ROBO1: variants seen among roughly 807,000 people sequenced by gnomAD.
ROBO1 encodes the protein roundabout guidance receptor 1.
A neutral mutation model predicts 195.9 loss-of-function variants in ROBO1; 149 were observed. That is an observed-to-expected ratio of 0.76 (90% CI 0.67 to 0.87). The LOEUF is 0.87. Among genes scored for constraint, ROBO1 ranks in the 40% least tolerant of loss-of-function variants. The probability of loss-of-function intolerance (pLI) is 0.00; values close to 1 mark genes in which losing one functional copy is unlikely to be tolerated. For synonymous variants in ROBO1, 816 were observed against 733.2 expected, an observed-to-expected ratio of 1.11 and a Z score of -1.82; for missense variants, 1,933 against 2,068.3, an observed-to-expected ratio of 0.93 and a Z score of 1.27.
chr3:79,252,141 G>T (rs568043058), intron 2 of ROBO1, among the ~76,000 whole-genome samples: 1 of 152,024 alleles, frequency 6.6e-6, no homozygotes, highest in Non-Finnish European at 1.5e-5. Context: ...TGCTTAACAC[G>T]TATTTTATTA....
intron 1 of ROBO1, among the ~76,000 whole-genome samples, chr3:79,709,311 T>G (rs1196787093): frequency 2.0e-5 from 3 of 152,112 alleles, no homozygotes; most frequent in Non-Finnish European, 4.4e-5. Context: ...CAAATCTTTT[T>G]TAATAGTTTA....
In ROBO1 at chr3:79,070,019, T is replaced by C. The variant is rs1263885923; in HGVS notation, c.172+55437A>G. On this transcript the variant is annotated intron_variant, in intron 3 of 30. Coordinates refer to ENST00000464233, the MANE Select transcript of ROBO1 (RefSeq NM_002941.4). ...CCTCAACTGGTCTTGAAGTTATTCA[T>C]AAATTTTCTATTCATTTACTGGTTA... 2.0e-5 allele frequency among the ~76,000 whole-genome samples: 3 copies of C among 151,996 alleles called. No homozygotes were observed. In the East Asian group the frequency reaches 5.8e-4, roughly 30 times the overall value.
chr3:79,482,535 C>T (rs1458373908), intron 2 of ROBO1, among the ~76,000 whole-genome samples: 1 of 152,108 alleles, frequency 6.6e-6, no homozygotes, highest in African/African-American at 2.4e-5. Context: ...GTGAGGCCTC[C>T]CCAGACATGT....
At chr3:79,523,161 CCACACACACACA>C (rs139825740) in intron 2 of ROBO1, among the ~76,000 whole-genome samples, 17 of 146,366 alleles carry the variant, frequency 1.2e-4, no homozygotes, top group South Asian at 2.2e-4. Context: ...GCTTCATAAA[CCACACACACACA>C]CACACACACA....
chr3:78,793,838 C>T (rs1031895431), intron 4 of ROBO1, among the ~76,000 whole-genome samples: 2 of 151,724 alleles, frequency 1.3e-5, no homozygotes, highest in Non-Finnish European at 2.9e-5. Flanking sequence ...TTTTCCTAAA[C>T]ACAGGCAATT....
chr3:78,638,775 G>A (rs1022217943), intron 22 of ROBO1, among the ~76,000 whole-genome samples: 47 of 152,264 alleles, frequency 3.1e-4, no homozygotes, highest in African/African-American at 1.0e-3. Context: ...TTGGGAGGCT[G>A]AGGTGAGAGG....
At chr3:78,689,293 T>C (rs916807294) in intron 8 of ROBO1, among the ~76,000 whole-genome samples, 1 of 152,158 alleles carries the variant, frequency 6.6e-6, no homozygotes, top group Admixed American at 6.5e-5. Flanking sequence ...GCCTCTTTCA[T>C]TTACATAGGC....
chr3:79,757,533 G>T (rs1328742907), intron 1 of ROBO1, among the ~76,000 whole-genome samples: 2 of 143,966 alleles, frequency 1.4e-5, no homozygotes, highest in Admixed American at 1.4e-4. Context: ...GCCATCCTAG[G>T]CTGGGCAGAG....
chr3:78,888,472 A>T (rs2036693269), intron 4 of ROBO1, among the ~76,000 whole-genome samples: 1 of 152,182 alleles, frequency 6.6e-6, no homozygotes, highest in African/African-American at 2.4e-5. Context: ...GTATTCTTAA[A>T]ACAAGCCAGA....
At chr3:78,640,207 A>G (rs370025952) in intron 21 of ROBO1, among the ~76,000 whole-genome samples, 2 of 152,310 alleles carry the variant, frequency 1.3e-5, no homozygotes, top group South Asian at 4.1e-4. Context: ...TGGAATATGA[A>G]CATATTTTTG....
At chr3:79,226,476 A>G (rs576845149) in intron 2 of ROBO1, among the ~76,000 whole-genome samples, 168 of 151,942 alleles carry the variant, frequency 1.1e-3, no homozygotes, top group African/African-American at 3.9e-3. Context: ...TCTAGCTCCT[A>G]TATCATAAAG....
At chr3:79,559,491 T>A (rs1320511444) in intron 2 of ROBO1, among the ~76,000 whole-genome samples, 2 of 152,224 alleles carry the variant, frequency 1.3e-5, no homozygotes, top group African/African-American at 2.4e-5. Context: ...ACCATGTCTG[T>A]AATCTGTAAC....
At chr3:79,183,859 T>A (rs1039275402) in intron 2 of ROBO1, among the ~76,000 whole-genome samples, 1 of 152,164 alleles carries the variant, frequency 6.6e-6, no homozygotes, top group African/African-American at 2.4e-5. Context: ...TTATTGTCTA[T>A]GAAGGAAAAC....
At chr3:79,446,269 T>C (rs1367503860) in intron 2 of ROBO1, among the ~76,000 whole-genome samples, 2 of 152,182 alleles carry the variant, frequency 1.3e-5, no homozygotes. Context: ...TCAAAATAAA[T>C]TATTCAAATC....
chr3:79,121,976 C>T (rs1377929450), intron 3 of ROBO1, among the ~76,000 whole-genome samples: 1 of 151,936 alleles, frequency 6.6e-6, no homozygotes, highest in Admixed American at 6.6e-5. Flanking sequence ...GAAATCTATA[C>T]ATAAATTATA....
chr3:79,684,198 T>A (rs1255361911), intron 1 of ROBO1, among the ~76,000 whole-genome samples: 2 of 152,164 alleles, frequency 1.3e-5, no homozygotes, highest in East Asian at 3.9e-4. Context: ...CCCTAATGAT[T>A]AAAGATGTTC....
chr3:79,592,063 T>A (rs1007758880), intron 1 of ROBO1, among the ~76,000 whole-genome samples: 7 of 151,966 alleles, frequency 4.6e-5, no homozygotes, highest in African/African-American at 1.4e-4. Context: ...TTATATTTGT[T>A]AAATGATATT....
chr3:79,589,681 A>C, intron 2 of ROBO1, 143 bp downstream of exon 2: 1 of 633,952 alleles, frequency 1.6e-6, no homozygotes. Context: ...ATCAGCACTC[A>C]TACTCAAGAA....
intron 3 of ROBO1, among the ~76,000 whole-genome samples, chr3:79,076,248 ATATATATATATAAAC>A (rs2079171265): frequency 6.8e-6 from 1 of 146,124 alleles, no homozygotes; most frequent in Admixed American, 6.9e-5. Flanking sequence ...AAATATAAGT[ATATATATATATAAAC>A]TATATATATA....
Sources: allele counts gnomAD v4.1 joint callset (sites outside exome capture counted in the v4.1 genomes callset), GRCh38; gene constraint gnomAD v4.1.1; transcripts MANE v1.5; gene names NCBI Gene and HGNC (gene_info 2026-07-23, HGNC 2026-07-21).